The following SOX5 variants were observed in gnomAD, a reference collection of about 807,000 sequenced individuals.
SOX5 encodes transcription factor SOX-5.
In SOX5, 9 loss-of-function variants were observed where a neutral mutation model predicts 92.0. The ratio of observed to expected loss-of-function variants is 0.10; its 90% CI spans 0.06 to 0.17. The LOEUF is 0.17. Ranked by LOEUF, SOX5 falls within the 10% of genes least tolerant of loss-of-function variation. SOX5 has a pLI of 1.00. For synonymous variants in SOX5, 344 were observed against 336.3 expected (o/e 1.02, Z -0.25); for missense variants, 642 against 944.5 (o/e 0.68, Z 4.20).
chr12:23,875,284 G>GC (rs2096915761), intron 2 of SOX5, among the ~76,000 whole-genome samples: 1 of 78,540 alleles, frequency 1.3e-5, no homozygotes, highest in East Asian at 9.4e-4. Context: ...TATTAAACTT[G>GC]CTAAAAAAAT....
intron 6 of SOX5, among the ~76,000 whole-genome samples, chr12:23,717,698 G>A (rs1463764272): frequency 6.6e-6 from 1 of 152,130 alleles, no homozygotes; most frequent in African/African-American, 2.4e-5. Flanking sequence ...TATTTAGTAC[G>A]GCTTAACACA....
At chr12:24,143,137 C>T (rs995763604) in intron 4 of SOX5, among the ~76,000 whole-genome samples, 3 of 152,104 alleles carry the variant, frequency 2.0e-5, no homozygotes, top group African/African-American at 4.8e-5. Context: ...GGAATAAATG[C>T]TATTAATACT....
At chr12:23,949,527 G>A in intron 1 of SOX5, 37 bp downstream of exon 1, 8 of 1,611,886 alleles carry the variant, frequency 5.0e-6, no homozygotes, top group South Asian at 1.1e-5. Flanking sequence ...TGGGAGAGTT[G>A]TACTTCAATA....
chr12:23,806,721 A>T (rs570785799), intron 3 of SOX5, among the ~76,000 whole-genome samples: 3 of 152,216 alleles, frequency 2.0e-5, no homozygotes, highest in African/African-American at 7.2e-5. Context: ...TAAAACAATA[A>T]TAGTGTTGGA....
At chr12:24,497,018 C>A (rs1947708008) in intron 1 of SOX5, among the ~76,000 whole-genome samples, 1 of 152,210 alleles carries the variant, frequency 6.6e-6, no homozygotes, top group African/African-American at 2.4e-5. Flanking sequence ...AGAAAATGAT[C>A]TCACTTATAA....
Position 23,534,101 on chromosome 12 carries a change from G to T in SOX5, c.*118C>A. ...GTCAGCTGATGTCCCAACTATTTAA[G>T]ACTAACAGTTAAAGTAACAGTCAGT... is the stretch of plus-strand genomic sequence containing the variant. On this transcript the variant is annotated 3_prime_UTR_variant, in exon 15 of 15. Coordinates refer to ENST00000451604, the MANE Select transcript of SOX5 (RefSeq NM_006940.6). 1 of 842,740 alleles carries T rather than the reference G, an allele frequency of 1.2e-6. No homozygotes were observed. Among genetic ancestry groups the T allele is most frequent in the Non-Finnish European group, 1.9e-6 (1 of 524,540 alleles). 52.2% of individuals were successfully genotyped at this position (842,740 alleles called of 1,614,324 possible).
intron 1 of SOX5, among the ~76,000 whole-genome samples, chr12:24,408,978 A>C (rs1211125808): frequency 6.6e-6 from 1 of 152,212 alleles, no homozygotes; most frequent in Non-Finnish European, 1.5e-5. Context: ...ATTACTGGGT[A>C]TATACCCCCA....
At chr12:24,405,901 CA>C (rs1220980270) in intron 1 of SOX5, among the ~76,000 whole-genome samples, 1 of 152,076 alleles carries the variant, frequency 6.6e-6, no homozygotes, top group Admixed American at 6.6e-5. Context: ...CTGCTGATGC[CA>C]AGTCCCATCT....
intron 4 of SOX5, among the ~76,000 whole-genome samples, chr12:23,979,158 CTTTA>C (rs1231959092): frequency 2.0e-5 from 3 of 151,820 alleles, no homozygotes; most frequent in Non-Finnish European, 2.9e-5. Flanking sequence ...TGTTTGGTTG[CTTTA>C]TTTAGGACAA....
At chr12:24,114,658 A>G (rs1947788547) in intron 4 of SOX5, among the ~76,000 whole-genome samples, 3 of 150,202 alleles carry the variant, frequency 2.0e-5, no homozygotes, top group Admixed American at 2.0e-4. Context: ...CTGGCTAGGC[A>G]TGGGCATAGG....
At chr12:23,963,486 T>A (rs1005591026) in intron 4 of SOX5, among the ~76,000 whole-genome samples, 1 of 152,200 alleles carries the variant, frequency 6.6e-6, no homozygotes, top group East Asian at 1.9e-4. Context: ...CAGGGGAATG[T>A]CCTTGATCCT....
At position 24,540,083 on chromosome 12, in the gene SOX5, A is replaced by T. The variant is rs546447158; in HGVS notation, c.-251+22246T>A. ...TTATGTAAGATGCTAATGAATACACATACTTACAGATCAGACAGTCAATGG... is the reference window on the plus strand; with the variant it reads ...TTATGTAAGATGCTAATGAATACACTTACTTACAGATCAGACAGTCAATGG... On this transcript the variant is annotated intron_variant, in intron 1 of 4. Transcript: ENST00000446891. Among the ~76,000 whole-genome samples, 23 of 152,252 alleles carry T rather than the reference A, an allele frequency of 1.5e-4. No individual in the cohort carries two copies. The South Asian group carries it at 4.6e-3, about 30-fold the overall frequency.
chr12:24,181,470 C>A (rs748132737), intron 4 of SOX5, among the ~76,000 whole-genome samples: 12 of 152,170 alleles, frequency 7.9e-5, no homozygotes, highest in Admixed American at 3.3e-4. Context: ...GCCATAGATT[C>A]TCTTCTTTTG....
intron 4 of SOX5, among the ~76,000 whole-genome samples, chr12:24,103,956 T>C (rs965872428): frequency 6.6e-6 from 1 of 152,194 alleles, no homozygotes; most frequent in Non-Finnish European, 1.5e-5. Context: ...TCTTAGAGGT[T>C]TAAAGCTGGA....
At chr12:24,311,427 T>A (rs1292871745) in intron 2 of SOX5, among the ~76,000 whole-genome samples, 1 of 152,160 alleles carries the variant, frequency 6.6e-6, no homozygotes, top group African/African-American at 2.4e-5. Context: ...AATGGCTGAG[T>A]TAAATATATT....
intron 2 of SOX5, among the ~76,000 whole-genome samples, chr12:24,283,009 G>A (rs914675219): frequency 6.6e-6 from 1 of 152,162 alleles, no homozygotes; most frequent in Non-Finnish European, 1.5e-5. Flanking sequence ...TTTAGCTTCT[G>A]TAAAATATAT....
chr12:24,445,801 C>G (rs1192895551), intron 1 of SOX5, among the ~76,000 whole-genome samples: 1 of 152,144 alleles, frequency 6.6e-6, no homozygotes, highest in Non-Finnish European at 1.5e-5. Context: ...ATGAGACATA[C>G]AGGGAGGGCT....
chr12:24,551,827 A>G (rs976016085), intron 1 of SOX5, among the ~76,000 whole-genome samples: 14 of 152,210 alleles, frequency 9.2e-5, no homozygotes, highest in African/African-American at 3.4e-4. Context: ...CCCCTTCTCT[A>G]GCCATAGTAA....
chr12:24,343,953 G>C (rs990620036), intron 2 of SOX5, among the ~76,000 whole-genome samples: 1 of 152,090 alleles, frequency 6.6e-6, no homozygotes, highest in Non-Finnish European at 1.5e-5. Flanking sequence ...TAAGAATGTA[G>C]GGACTTGAGA....
Sources: allele counts gnomAD v4.1 joint callset (sites outside exome capture counted in the v4.1 genomes callset), GRCh38; gene constraint gnomAD v4.1.1; transcripts MANE v1.5; gene names NCBI Gene and HGNC (gene_info 2026-07-23, HGNC 2026-07-21).